Variants in RBFOX1 observed in about 807,000 individuals in gnomAD.
The protein encoded by RBFOX1 is RNA binding fox-1 homolog 1.
RBFOX1 carries 8 observed loss-of-function variants against 57.7 expected under a neutral mutation model. That is an observed-to-expected ratio of 0.14 (90% CI 0.08 to 0.25). RBFOX1 has a LOEUF of 0.25. Among genes scored for constraint, RBFOX1 ranks in the 10% least tolerant of loss-of-function variants. The probability of loss-of-function intolerance (pLI) is 1.00; values close to 1 mark genes in which losing one functional copy is unlikely to be tolerated. For synonymous variants in RBFOX1, 326 were observed against 222.4 expected (o/e 1.47, Z -4.15); for missense variants, 611 against 548.5 (o/e 1.11, Z -1.14).
rs1464499089 is a variant in RBFOX1 at position 7,155,734 on chromosome 16, TATATACACACAC to T, written c.27+103638_27+103649del. On this transcript the variant is annotated intron_variant, in intron 4 of 15. Transcript: ENST00000550418. Reference sequence around the variant, plus strand: ...AAAAATATATATATATATATATATATATATACACACACACACACACACACACACACATATATA... The same window carrying T: ...AAAAATATATATATATATATATATATACACACACACACACACACATATATA... Among the ~76,000 whole-genome samples the T allele has an allele frequency of 3.5e-3, 292 of 82,464 alleles. 6 individuals are homozygous for T. Among genetic ancestry groups the T allele is most frequent in the African/African-American group, 0.016 (274 of 17,638 alleles). 54.1% of individuals were successfully genotyped at this position (82,464 alleles called of 152,430 possible).
rs1024527600 is a variant in RBFOX1, at chr16:5,625,452, C to T, written c.318+26491C>T. On this transcript the variant is annotated intron_variant, in intron 3 of 19. Transcript: ENST00000641259. ...GGAGTCTGGTCGGGATTTGAACTCA[C>T]TGGTGTGCCTGACCGCTGCACCGTT... 9.9e-5 allele frequency among the ~76,000 whole-genome samples: 15 copies of T among 152,156 alleles called. 1 individual carries two copies. Among genetic ancestry groups the T allele is most frequent in the African/African-American group, 9.7e-5 (4 of 41,444 alleles).
rs1218854516 is a variant in RBFOX1 at position 7,704,434 on chromosome 16, G to C, written c.996-4622G>C. 2.0e-5 allele frequency among the ~76,000 whole-genome samples: 3 copies of C among 152,156 alleles called. No individual in the cohort carries two copies. The East Asian group carries it at 5.8e-4, about 29-fold the overall frequency. On this transcript the variant is annotated intron_variant, in intron 14 of 15. Transcript: ENST00000550418. ...TCCCCAGAAAGTTTTCTTCTGTCTT[G>C]AAGCATCCTGAATGTGTCTGGGAGC...
chr16:5,320,953 C>G (rs1436652309), intron 1 of RBFOX1, among the ~76,000 whole-genome samples: 1 of 152,166 alleles, frequency 6.6e-6, no homozygotes, highest in African/African-American at 2.4e-5. Flanking sequence ...TGCCCTCTGC[C>G]CACAGAACAG....
intron 3 of RBFOX1, among the ~76,000 whole-genome samples, chr16:6,921,670 T>C (rs148778469): frequency 6.6e-6 from 1 of 151,488 alleles, no homozygotes; most frequent in Non-Finnish European, 1.5e-5. Context: ...AGGGTTGCTT[T>C]CAATCAATAG....
At chr16:5,350,436 C>T (rs1410285484) in intron 1 of RBFOX1, among the ~76,000 whole-genome samples, 1 of 152,142 alleles carries the variant, frequency 6.6e-6, no homozygotes, top group African/African-American at 2.4e-5. Flanking sequence ...TGAGGTGTCC[C>T]TAGTCAGAGT....
At chr16:7,441,920 C>G (rs988335641) in intron 4 of RBFOX1, among the ~76,000 whole-genome samples, 2 of 152,228 alleles carry the variant, frequency 1.3e-5, no homozygotes, top group Admixed American at 1.3e-4. Flanking sequence ...CCCAGAGATG[C>G]TGGCAGCCTG....
At chr16:6,750,485 C>A (rs536872828) in intron 3 of RBFOX1, among the ~76,000 whole-genome samples, 25 of 152,286 alleles carry the variant, frequency 1.6e-4, no homozygotes, top group Admixed American at 6.5e-4. Context: ...TTTAATATTT[C>A]TTGACATATG....
rs185424082 is a variant in RBFOX1, at chr16:6,096,334, C to T, written c.-127+76342C>T. On this transcript the variant is annotated intron_variant, in intron 1 of 15. Transcript: ENST00000550418. The stretch of plus-strand genomic sequence containing the variant: ...AATAAGTCCTTCAGGAAAATCGTTC[C>T]CCAGATGCATTATTGCATTATTTAG... 7.2e-5 allele frequency among the ~76,000 whole-genome samples: 11 copies of T among 152,152 alleles called. No homozygotes were observed. The East Asian group carries it at 2.1e-3, about 29-fold the overall frequency.
At chr16:6,617,454 G>T (rs2098160270) in intron 2 of RBFOX1, among the ~76,000 whole-genome samples, 1 of 151,886 alleles carries the variant, frequency 6.6e-6, no homozygotes, top group Non-Finnish European at 1.5e-5. Context: ...TGACTCTCCA[G>T]TTCACTTCTC....
At chr16:5,587,301 C>G (rs1488443530) in intron 2 of RBFOX1, among the ~76,000 whole-genome samples, 1 of 152,150 alleles carries the variant, frequency 6.6e-6, no homozygotes, top group Non-Finnish European at 1.5e-5. Flanking sequence ...AAAGAAGATT[C>G]ACAAATGGCC....
intron 3 of RBFOX1, among the ~76,000 whole-genome samples, chr16:5,666,881 G>C (rs1442297135): frequency 2.0e-5 from 3 of 152,182 alleles, no homozygotes; most frequent in Non-Finnish European, 4.4e-5. Context: ...CCACTGCTCA[G>C]TTTGCATGTA....
At chr16:6,752,773 C>T (rs113824839) in intron 3 of RBFOX1, among the ~76,000 whole-genome samples, 1 of 151,728 alleles carries the variant, frequency 6.6e-6, no homozygotes, top group South Asian at 2.1e-4. Flanking sequence ...CACTTCCATC[C>T]TTTCCTGCTG....
chr16:7,276,285 G>A (rs1241451381), intron 4 of RBFOX1, among the ~76,000 whole-genome samples: 1 of 152,108 alleles, frequency 6.6e-6, no homozygotes, highest in Non-Finnish European at 1.5e-5. Flanking sequence ...GCCCCATAAT[G>A]TTCCTCTCCT....
At chr16:5,959,290 C>T (rs966275038) in intron 4 of RBFOX1, among the ~76,000 whole-genome samples, 8 of 152,194 alleles carry the variant, frequency 5.3e-5, no homozygotes, top group African/African-American at 1.9e-4. Context: ...TGGATGCTCC[C>T]AGCCCACTTT....
intron 2 of RBFOX1, among the ~76,000 whole-genome samples, chr16:5,577,270 G>C (rs1005484536): frequency 6.6e-6 from 1 of 152,214 alleles, no homozygotes; most frequent in African/African-American, 2.4e-5. Flanking sequence ...TGAGGCTCCT[G>C]TTCGTCTGAT....
At chr16:6,223,194 A>G (rs1231772282) in intron 1 of RBFOX1, among the ~76,000 whole-genome samples, 3 of 150,962 alleles carry the variant, frequency 2.0e-5, no homozygotes, top group Non-Finnish European at 1.5e-5. Flanking sequence ...AGCATGATTT[A>G]TAGTCCTTTG....
chr16:5,537,057 A>G (rs1327903400), intron 2 of RBFOX1, among the ~76,000 whole-genome samples: 17 of 152,148 alleles, frequency 1.1e-4, no homozygotes, highest in Admixed American at 1.1e-3. Flanking sequence ...TTGAGTACTC[A>G]CTGGAAGCAT....
At chr16:7,141,033 C>T (rs78830136) in intron 4 of RBFOX1, among the ~76,000 whole-genome samples, 12,181 of 152,202 alleles carry the variant, frequency 0.08, 1,634 homozygotes, top group African/African-American at 0.28. Context: ...TTGCAGAGCT[C>T]TGCCAGGAAG....
chr16:6,804,099 T>C (rs1203356113), intron 3 of RBFOX1, among the ~76,000 whole-genome samples: 1 of 152,056 alleles, frequency 6.6e-6, no homozygotes, highest in African/African-American at 2.4e-5. Context: ...CTCTGCCTCC[T>C]GGGTTCAAGT....
Sources: allele counts gnomAD v4.1 joint callset (sites outside exome capture counted in the v4.1 genomes callset), GRCh38; gene constraint gnomAD v4.1.1; transcripts MANE v1.5; gene names NCBI Gene and HGNC (gene_info 2026-07-23, HGNC 2026-07-21).